Variants in CASD1 observed in about 807,000 individuals in gnomAD.
The protein encoded by CASD1 is CAS1 domain sialic acid O acetyltransferase 1, also known as N-acetylneuraminate (7)9-O-acetyltransferase.
CASD1 carries 41 observed loss-of-function variants against 100.0 expected under a neutral mutation model. The ratio of observed to expected loss-of-function variants is 0.41; its 90% CI spans 0.32 to 0.53. The LOEUF (loss-of-function observed/expected upper bound fraction) is 0.53. Among genes scored for constraint, CASD1 ranks in the 20% least tolerant of loss-of-function variants. The probability of loss-of-function intolerance (pLI) is 0.25; values close to 1 mark genes in which losing one functional copy is unlikely to be tolerated. For missense variants in CASD1, 774 were observed against 948.7 expected (o/e 0.82, Z 2.42); for synonymous variants, 321 against 315.6 (o/e 1.02, Z -0.18).
At chr7:94,613,129 G>A in the CASD1 span, among the ~76,000 whole-genome samples, 5 of 152,124 alleles carry the variant, frequency 3.3e-5, no homozygotes, top group Non-Finnish European at 7.4e-5. Context: ...AAAACAAACG[G>A]AACACAGATG....
At chr7:94,601,338 T>C in the CASD1 span, among the ~76,000 whole-genome samples, 1 of 150,616 alleles carries the variant, frequency 6.6e-6, no homozygotes, top group Admixed American at 6.6e-5. Context: ...TCCAAACGTG[T>C]CGTCCTTGAT....
chr7:94,628,661 C>T, the CASD1 span: 1 of 349,446 alleles, frequency 2.9e-6, no homozygotes. Flanking sequence ...AACTATCTTT[C>T]AGGAGAATTC....
Position 94,528,272 on chromosome 7 carries a change from GC to G in CASD1, c.459+23del, listed in dbSNP as rs759885071. 2.3e-5 allele frequency: 34 copies of G among 1,453,604 alleles called. No homozygotes were observed. In the African/African-American group the frequency reaches 5.8e-4, roughly 25 times the overall value. 90.0% of individuals were successfully genotyped at this position (1,453,604 alleles called of 1,614,324 possible). ...TGAGGTCTGTATTTAAAAAACATAG[GC>G]TTTTTTTTTTTTTATTTTTATTCCC... On this transcript the variant is annotated intron_variant, in intron 5 of 17. Coordinates refer to ENST00000297273, the MANE Select transcript of CASD1 (RefSeq NM_022900.5).
Position 94,545,610 on chromosome 7 carries a change from C to T in CASD1, c.1542C>T (p.Phe514=), listed in dbSNP as rs765543598. Reference sequence around the variant, plus strand: ...TAGTAATGGATCGACCTTATCAATTCTATTACTTTGTCCCCTTGGTCACTG... The same window carrying T: ...TAGTAATGGATCGACCTTATCAATTTTATTACTTTGTCCCCTTGGTCACTG... ...LCIVMDRPYQ[F]YYFVPLVTVW... is the part of the protein sequence containing the mutation. The change falls in exon 12 of 18, where the codon TTC becomes TTT. Residue 514 remains phenylalanine (F), a synonymous_variant. Transcript: ENST00000297273. 6.2e-7 allele frequency: 1 copy of T among 1,609,886 alleles called. No individual in the cohort carries two copies. The highest frequency in any genetic ancestry group is 8.5e-7 in the Non-Finnish European group (1 of 1,176,560).
chr7:94,519,978 C>T (rs565261918), intron 3 of CASD1, among the ~76,000 whole-genome samples: 2 of 152,240 alleles, frequency 1.3e-5, no homozygotes, highest in East Asian at 3.9e-4. Context: ...CAATATGGTA[C>T]ATTGTTTCTG....
intron 3 of CASD1, among the ~76,000 whole-genome samples, chr7:94,522,486 A>G (rs185271813): frequency 6.6e-6 from 1 of 152,314 alleles, no homozygotes; most frequent in East Asian, 1.9e-4. Flanking sequence ...CAGTGGGAGA[A>G]TTGCATACTG....
At chr7:94,553,029 T>C in intron 16 of CASD1, 2 of 286,354 alleles carry the variant, frequency 7.0e-6, no homozygotes, top group Admixed American at 4.3e-5. Flanking sequence ...TTCCTACTCT[T>C]ATGGAGCCTA....
chr7:94,548,705 G>T (rs556712120), intron 13 of CASD1, among the ~76,000 whole-genome samples: 2 of 151,564 alleles, frequency 1.3e-5, no homozygotes, highest in South Asian at 4.2e-4. Context: ...TTTTTTAATA[G>T]CCTCTTTAAA....
the CASD1 span, among the ~76,000 whole-genome samples, chr7:94,616,182 C>T: frequency 6.6e-6 from 1 of 152,144 alleles, no homozygotes; most frequent in Admixed American, 6.6e-5. Flanking sequence ...CACTTAATGA[C>T]ACTTCAGGCA....
chr7:94,603,521 AAAAGCAGGAT>A, the CASD1 span: 1 of 1,453,832 alleles, frequency 6.9e-7, no homozygotes, highest in Non-Finnish European at 9.6e-7. Context: ...AATCCACCTT[AAAAGCAGGAT>A]TTAGCCTTTT....
chr7:94,511,914 A>G (rs2374735), intron 1 of CASD1, among the ~76,000 whole-genome samples: 78,121 of 152,056 alleles, frequency 0.51, 21,240 homozygotes, highest in South Asian at 0.73. Context: ...GGGATTGTTT[A>G]TAAAGCCTTC....
At chr7:94,538,609 A>G (rs1795231089) in intron 9 of CASD1, among the ~76,000 whole-genome samples, 1 of 152,116 alleles carries the variant, frequency 6.6e-6, no homozygotes, top group Non-Finnish European at 1.5e-5. Flanking sequence ...CTGAAATTCT[A>G]AAGAAAATTA....
the CASD1 span, among the ~76,000 whole-genome samples, chr7:94,565,213 G>A: frequency 2.0e-5 from 3 of 151,734 alleles, no homozygotes; most frequent in Non-Finnish European, 2.9e-5. Flanking sequence ...TTATTTTGGG[G>A]CCTATCAACC....
At chr7:94,588,965 A>G in the CASD1 span, 3 of 536,464 alleles carry the variant, frequency 5.6e-6, no homozygotes, top group Admixed American at 3.1e-5. Flanking sequence ...GCTATACTCT[A>G]AAGTACCTCA....
the CASD1 span, among the ~76,000 whole-genome samples, chr7:94,566,097 T>C: frequency 6.6e-6 from 1 of 152,036 alleles, no homozygotes; most frequent in Admixed American, 6.6e-5. Context: ...TCACAATAGG[T>C]TTTTTGAAGG....
chr7:94,524,015 C>A (rs1363838377), intron 3 of CASD1, among the ~76,000 whole-genome samples: 2 of 151,930 alleles, frequency 1.3e-5, no homozygotes, highest in Non-Finnish European at 2.9e-5. Flanking sequence ...GGATTCCTAC[C>A]TCACACCATC....
At chr7:94,531,548 A>G (rs1258180269) in intron 5 of CASD1, among the ~76,000 whole-genome samples, 2 of 152,154 alleles carry the variant, frequency 1.3e-5, no homozygotes, top group African/African-American at 2.4e-5. Flanking sequence ...AAAGCCACCT[A>G]GGGATGAGGA....
chr7:94,598,845 C>T, the CASD1 span: 1 of 1,613,316 alleles, frequency 6.2e-7, no homozygotes, highest in Admixed American at 1.7e-5. Flanking sequence ...ATGATTTCCC[C>T]AGTCACAGGG....
intron 13 of CASD1, among the ~76,000 whole-genome samples, chr7:94,548,604 T>C (rs1468503286): frequency 6.6e-6 from 1 of 151,868 alleles, no homozygotes; most frequent in Non-Finnish European, 1.5e-5. Context: ...TGGAGACGGT[T>C]GCGTTTTATT....
Sources: gnomAD v4.1 joint callset for allele counts (sites outside exome capture counted in the v4.1 genomes callset) on GRCh38, gnomAD v4.1.1 for gene constraint, MANE v1.5 for transcripts, NCBI Gene and HGNC (gene_info 2026-07-23, HGNC 2026-07-21) for gene names.